ATP10B: variants seen among roughly 807,000 people sequenced by gnomAD.
ATP10B encodes the protein phospholipid-transporting ATPase VB.
A neutral mutation model predicts 141.2 loss-of-function variants in ATP10B; 122 were observed. The ratio of observed to expected loss-of-function variants is 0.86; its 90% CI spans 0.75 to 1.00. The LOEUF is 1.00. ATP10B is among the 50% of genes least tolerant of loss of function. The probability of loss-of-function intolerance (pLI) is 0.00; values close to 1 mark genes in which losing one functional copy is unlikely to be tolerated. For synonymous variants in ATP10B, 685 were observed against 692.0 expected (o/e 0.99, Z 0.16); for missense variants, 1,876 against 1,825.3 (o/e 1.03, Z -0.51).
the ATP10B span, among the ~76,000 whole-genome samples, chr5:160,881,096 G>A: frequency 1.3e-5 from 2 of 152,242 alleles, no homozygotes. Flanking sequence ...CAACAAGAAA[G>A]CAAGCAAGCC....
intron 1 of ATP10B, among the ~76,000 whole-genome samples, chr5:160,817,905 T>C (rs1317855533): frequency 6.6e-6 from 1 of 152,222 alleles, no homozygotes; most frequent in Non-Finnish European, 1.5e-5. Flanking sequence ...CAGAAACGAT[T>C]CCCTATTTAA....
At chr5:160,602,976 G>T (rs1331735465) in intron 20 of ATP10B, 14 of 323,066 alleles carry the variant, frequency 4.3e-5, no homozygotes, top group Non-Finnish European at 5.4e-5. Context: ...ATTGACTGTG[G>T]CCCAGTAAGT....
At chr5:160,889,174 T>A in the ATP10B span, among the ~76,000 whole-genome samples, 35 of 152,286 alleles carry the variant, frequency 2.3e-4, 1 homozygote, top group African/African-American at 7.9e-4. Context: ...CAATGCCCTC[T>A]CAACAGCCAC....
chr5:160,616,111 A>T (rs28584357), intron 16 of ATP10B, 147 bp from the exon 17 acceptor site: 18 of 643,330 alleles, frequency 2.8e-5, no homozygotes, highest in Non-Finnish European at 3.4e-5. Context: ...ACTTTTTTTT[A>T]AATATGTAAA....
intron 7 of ATP10B, among the ~76,000 whole-genome samples, chr5:160,667,746 T>G (rs1175493981): frequency 6.6e-6 from 1 of 152,134 alleles, no homozygotes; most frequent in African/African-American, 2.4e-5. Context: ...AATCCCAAAC[T>G]ATCTGACTAA....
At chr5:160,877,750 CAGAG>C in the ATP10B span, among the ~76,000 whole-genome samples, 3 of 117,378 alleles carry the variant, frequency 2.6e-5, no homozygotes, top group African/African-American at 5.3e-5. Flanking sequence ...AACAGACAAA[CAGAG>C]AGCCAAATCA....
chr5:160,697,874 C>T (rs1000772293), intron 3 of ATP10B, among the ~76,000 whole-genome samples: 7 of 152,174 alleles, frequency 4.6e-5, no homozygotes, highest in Non-Finnish European at 7.4e-5. Flanking sequence ...AAGCTTTTAA[C>T]CCCCGATTGG....
At chr5:160,908,048 A>G in the ATP10B span, among the ~76,000 whole-genome samples, 4 of 152,192 alleles carry the variant, frequency 2.6e-5, no homozygotes, top group South Asian at 4.1e-4. Flanking sequence ...CCACTACCCA[A>G]TAAAGCCACT....
the ATP10B span, among the ~76,000 whole-genome samples, chr5:160,894,131 G>A: frequency 0.011 from 1,686 of 152,054 alleles, 20 homozygotes; most frequent in African/African-American, 0.038. Flanking sequence ...ACCAGAACGC[G>A]CCTCTTCTCC....
At chr5:160,783,413 C>A (rs1770871614) in intron 2 of ATP10B, among the ~76,000 whole-genome samples, 1 of 107,536 alleles carries the variant, frequency 9.3e-6, no homozygotes, top group African/African-American at 3.6e-5. Context: ...TATATCTATC[C>A]ATGGATATAT....
chr5:160,903,798 G>A, the ATP10B span, among the ~76,000 whole-genome samples: 2 of 152,292 alleles, frequency 1.3e-5, no homozygotes, highest in East Asian at 3.9e-4. Flanking sequence ...TCAATAAAGA[G>A]GAGGTTAGGT....
chr5:160,912,869 C>T, the ATP10B span, among the ~76,000 whole-genome samples: 1 of 152,200 alleles, frequency 6.6e-6, no homozygotes, highest in Non-Finnish European at 1.5e-5. Context: ...TCATGTAATT[C>T]AGAAGGTGTG....
intron 1 of ATP10B, among the ~76,000 whole-genome samples, chr5:160,813,635 G>A (rs564318388): frequency 9.8e-5 from 15 of 152,314 alleles, no homozygotes; most frequent in Non-Finnish European, 2.2e-4. Context: ...GAAGAGAGTA[G>A]TTGTTCTCCC....
chr5:160,588,943 T>TCCTCC (rs1561630240), intron 24 of ATP10B, among the ~76,000 whole-genome samples: 1 of 152,154 alleles, frequency 6.6e-6, no homozygotes, highest in Non-Finnish European at 1.5e-5. Flanking sequence ...TGGGGAGAAT[T>TCCTCC]CCTCCCTAAC....
intron 2 of ATP10B, among the ~76,000 whole-genome samples, chr5:160,718,866 AC>A (rs1437081301): frequency 7.9e-5 from 12 of 152,068 alleles, no homozygotes; most frequent in Non-Finnish European, 1.3e-4. Flanking sequence ...GACAAACCAA[AC>A]CCTAGTAACC....
chr5:160,629,217 G>A (rs893319886), intron 13 of ATP10B, among the ~76,000 whole-genome samples: 9 of 152,166 alleles, frequency 5.9e-5, no homozygotes, highest in East Asian at 1.9e-4. Flanking sequence ...TCTGTCAGGA[G>A]TGGGTGGGGG....
intron 3 of ATP10B, among the ~76,000 whole-genome samples, chr5:160,704,577 T>A (rs1349765883): frequency 6.6e-6 from 1 of 152,018 alleles, no homozygotes; most frequent in African/African-American, 2.4e-5. Context: ...CAAGTTAGAG[T>A]CACTAGCTGC....
intron 1 of ATP10B, among the ~76,000 whole-genome samples, chr5:160,826,775 C>T (rs796132596): frequency 9.2e-5 from 14 of 152,248 alleles, no homozygotes; most frequent in African/African-American, 2.9e-4. Flanking sequence ...AGTCTATAAA[C>T]GGCCGCTCTA....
chr5:160,870,801 G>GA, the ATP10B span, among the ~76,000 whole-genome samples: 2 of 151,408 alleles, frequency 1.3e-5, no homozygotes, highest in Admixed American at 1.3e-4. Flanking sequence ...TAAAACTACA[G>GA]AAAATCAAAG....
Sources: gnomAD v4.1 joint callset for allele counts (sites outside exome capture counted in the v4.1 genomes callset) on GRCh38, gnomAD v4.1.1 for gene constraint, MANE v1.5 for transcripts, NCBI Gene and HGNC (gene_info 2026-07-23, HGNC 2026-07-21) for gene names.